VPS8: variants seen among roughly 807,000 people sequenced by gnomAD.
The protein encoded by VPS8 is vacuolar protein sorting-associated protein 8 homolog.
A neutral mutation model predicts 216.4 loss-of-function variants in VPS8; 129 were observed. The ratio of observed to expected loss-of-function variants is 0.60; its 90% CI spans 0.52 to 0.69. The LOEUF (loss-of-function observed/expected upper bound fraction) is 0.69. VPS8 is among the 30% of genes least tolerant of loss of function. VPS8 has a pLI of 0.00. For missense variants in VPS8, 1,531 were observed against 1,683.5 expected, an observed-to-expected ratio of 0.91 and a Z score of 1.59; for synonymous variants, 571 against 565.4, an observed-to-expected ratio of 1.01 and a Z score of -0.14.
chr3:185,000,247 C>T (rs772661042), intron 45 of VPS8, among the ~76,000 whole-genome samples: 3 of 152,106 alleles, frequency 2.0e-5, no homozygotes, highest in Non-Finnish European at 2.9e-5. Context: ...TTAAGTAGGG[C>T]TGATGATGGA....
chr3:184,847,753 A>G (rs1168880900), intron 8 of VPS8, among the ~76,000 whole-genome samples: 1 of 152,192 alleles, frequency 6.6e-6, no homozygotes, highest in Non-Finnish European at 1.5e-5. Context: ...GAGAAACCCT[A>G]GAGAAATTTC....
At chr3:185,029,504 G>T (rs1757815638) in intron 46 of VPS8, among the ~76,000 whole-genome samples, 1 of 151,914 alleles carries the variant, frequency 6.6e-6, no homozygotes, top group Non-Finnish European at 1.5e-5. Flanking sequence ...TCACTCTTTA[G>T]AATGTCACTG....
intron 37 of VPS8, among the ~76,000 whole-genome samples, chr3:184,959,842 T>A (rs999421442): frequency 4.6e-5 from 7 of 152,170 alleles, no homozygotes; most frequent in East Asian, 1.9e-4. Context: ...TTTATTTTTT[T>A]AATTTTTTTA....
intron 40 of VPS8, 52 bp from the exon 41 acceptor site, chr3:184,982,514 A>C (rs1236927948): frequency 1.5e-6 from 2 of 1,372,922 alleles, no homozygotes; most frequent in African/African-American, 1.4e-5. Context: ...TTTGTTTTTC[A>C]TTGTTTTCTT....
At chr3:184,869,170 A>G in intron 19 of VPS8, 134 bp downstream of exon 19, 2 of 825,946 alleles carry the variant, frequency 2.4e-6, no homozygotes, top group South Asian at 3.6e-5. Context: ...TAAACCTTAT[A>G]GACTTTCAGT....
chr3:185,022,227 T>C (rs1461393095), intron 45 of VPS8, among the ~76,000 whole-genome samples: 1 of 152,200 alleles, frequency 6.6e-6, no homozygotes. Context: ...TTCACCATGA[T>C]TTTAAGTTTC....
At chr3:184,974,789 C>T (rs1748994019) in intron 40 of VPS8, among the ~76,000 whole-genome samples, 1 of 152,080 alleles carries the variant, frequency 6.6e-6, no homozygotes, top group South Asian at 2.1e-4. Flanking sequence ...ATCCAGTTTA[C>T]CCAACACCAT....
At chr3:184,932,138 G>C (rs1163964952) in intron 34 of VPS8, among the ~76,000 whole-genome samples, 1 of 152,062 alleles carries the variant, frequency 6.6e-6, no homozygotes, top group Non-Finnish European at 1.5e-5. Flanking sequence ...AAGGACTTCT[G>C]TGTCTTCAGT....
intron 21 of VPS8, among the ~76,000 whole-genome samples, chr3:184,874,105 T>C (rs1165384954): frequency 6.6e-6 from 1 of 152,190 alleles, no homozygotes; most frequent in East Asian, 1.9e-4. Context: ...CTTTGGAGAC[T>C]ATCTGCTGAC....
At chr3:184,830,646 C>T (rs901974413) in intron 3 of VPS8, among the ~76,000 whole-genome samples, 2 of 152,092 alleles carry the variant, frequency 1.3e-5, no homozygotes, top group Non-Finnish European at 2.9e-5. Context: ...TGGCTTAATT[C>T]ATCTGATCCA....
intron 47 of VPS8, among the ~76,000 whole-genome samples, chr3:185,051,545 CCATCCACAGCAG>C (rs1344926544): frequency 2.0e-5 from 3 of 152,084 alleles, no homozygotes; most frequent in Admixed American, 2.0e-4. Flanking sequence ...GGCAGCAGGG[CCATCCACAGCAG>C]CTGGAGGAGC....
At chr3:184,906,768 G>A (rs2109024177) in intron 25 of VPS8, among the ~76,000 whole-genome samples, 1 of 152,302 alleles carries the variant, frequency 6.6e-6, no homozygotes, top group East Asian at 1.9e-4. Flanking sequence ...TTCAGAGGCA[G>A]ACATTATCTT....
At chr3:184,852,636 C>G in intron 11 of VPS8, 69 bp downstream of exon 11, 5 of 1,458,290 alleles carry the variant, frequency 3.4e-6, no homozygotes, top group Non-Finnish European at 3.8e-6. Flanking sequence ...TGAAATTGAA[C>G]ATGAAGAGGA....
intron 28 of VPS8, among the ~76,000 whole-genome samples, chr3:184,917,602 C>T (rs922393714): frequency 4.6e-4 from 70 of 152,246 alleles, no homozygotes; most frequent in African/African-American, 1.6e-3. Flanking sequence ...CTAATTTTTG[C>T]ACCATGTTGG....
intron 11 of VPS8, 105 bp from the exon 12 acceptor site, chr3:184,853,752 G>T: frequency 4.3e-6 from 5 of 1,165,600 alleles, no homozygotes; most frequent in South Asian, 1.5e-5. Context: ...ATTGTTGGGG[G>T]TTAAGGAGGT....
At chr3:184,959,844 AT>A (rs1190483651) in intron 37 of VPS8, among the ~76,000 whole-genome samples, 3 of 147,626 alleles carry the variant, frequency 2.0e-5, no homozygotes, top group Admixed American at 1.3e-4. Flanking sequence ...TATTTTTTTA[AT>A]TTTTTTATTA....
At chr3:184,844,558 G>A (rs1722769278) in intron 8 of VPS8, among the ~76,000 whole-genome samples, 1 of 152,184 alleles carries the variant, frequency 6.6e-6, no homozygotes, top group Non-Finnish European at 1.5e-5. Context: ...CCTTCTTTGA[G>A]AAATAGAGGA....
At chr3:184,920,689 A>T (rs1738459699) in intron 29 of VPS8, among the ~76,000 whole-genome samples, 2 of 152,200 alleles carry the variant, frequency 1.3e-5, no homozygotes, top group African/African-American at 4.8e-5. Context: ...CTGTCTTGAG[A>T]TTGATGCTGT....
chr3:184,917,379 A>G (rs13065128), intron 28 of VPS8, among the ~76,000 whole-genome samples: 5,716 of 152,272 alleles, frequency 0.038, 157 homozygotes, highest in Middle Eastern at 0.068. Context: ...GCAACCTGCA[A>G]TAAAAAATTT....
Sources: gnomAD v4.1 joint callset for allele counts (sites outside exome capture counted in the v4.1 genomes callset) on GRCh38, gnomAD v4.1.1 for gene constraint, MANE v1.5 for transcripts, NCBI Gene and HGNC (gene_info 2026-07-23, HGNC 2026-07-21) for gene names.